The following NAALADL2 variants were observed in gnomAD, a reference collection of about 807,000 sequenced individuals.
NAALADL2 encodes the protein N-acetylated alpha-linked acidic dipeptidase like 2, also known as inactive N-acetylated-alpha-linked acidic dipeptidase-like protein 2.
Under a neutral mutation model 87.2 loss-of-function variants are expected in NAALADL2, and 76 were observed. The observed-to-expected ratio is 0.87, with a 90% CI of 0.72 to 1.05. NAALADL2 has a LOEUF of 1.05. Among genes scored for constraint, NAALADL2 ranks in the 50% least tolerant of loss-of-function variants. The probability of loss-of-function intolerance (pLI) is 0.00; values close to 1 mark genes in which losing one functional copy is unlikely to be tolerated. For synonymous variants in NAALADL2, 354 were observed against 331.0 expected (o/e 1.07, Z -0.75); for missense variants, 1,089 against 945.8 (o/e 1.15, Z -1.99).
chr3:174,826,028 A>AAAC (rs71624294), intron 3 of NAALADL2, among the ~76,000 whole-genome samples: 28,995 of 150,476 alleles, frequency 0.19, 2,995 homozygotes, highest in East Asian at 0.43. Flanking sequence ...ACTCCATCTC[A>AAAC]AACAACAACA....
chr3:175,490,752 C>A (rs886512683), intron 9 of NAALADL2, among the ~76,000 whole-genome samples: 1 of 151,884 alleles, frequency 6.6e-6, no homozygotes, highest in Non-Finnish European at 1.5e-5. Flanking sequence ...CAATAATAGA[C>A]CCTAAATGTG....
At chr3:175,521,115 CATT>C (rs1483277884) in intron 9 of NAALADL2, among the ~76,000 whole-genome samples, 3 of 151,326 alleles carry the variant, frequency 2.0e-5, no homozygotes, top group Non-Finnish European at 4.4e-5. Context: ...AATCTGGAAA[CATT>C]ATAAATTAAA....
intron 4 of NAALADL2, among the ~76,000 whole-genome samples, chr3:175,271,827 C>G (rs1752889738): frequency 6.6e-6 from 1 of 152,030 alleles, no homozygotes. Context: ...AAAGCCGCCA[C>G]TTAAATTGTG....
chr3:175,744,844 T>G lies in NAALADL2; in HGVS notation c.1990+7445T>G, dbSNP rs1190954514. On this transcript the variant is annotated intron_variant, in intron 12 of 13. Transcript: ENST00000454872. ...CATTAGCTAAACAGAATTCTTGTAC[T>G]GTGTTAAATGAAACATATAATTTTA... Among the ~76,000 whole-genome samples, 5 of 152,194 alleles carry G rather than the reference T, an allele frequency of 3.3e-5. 1 individual carries two copies. Among genetic ancestry groups the G allele is most frequent in the Admixed American group, 2.0e-4 (3 of 15,282 alleles).
intron 5 of NAALADL2, among the ~76,000 whole-genome samples, chr3:175,359,101 A>C (rs1229645890): frequency 1.3e-5 from 2 of 152,122 alleles, no homozygotes; most frequent in African/African-American, 4.8e-5. Context: ...ACCAATGCTC[A>C]TTGCAAGCAG....
intron 11 of NAALADL2, among the ~76,000 whole-genome samples, chr3:175,725,286 A>C (rs987490937): frequency 2.0e-5 from 3 of 152,174 alleles, no homozygotes; most frequent in Non-Finnish European, 4.4e-5. Context: ...TACAAAGTAC[A>C]TCATTTAATA....
At chr3:174,603,298 A>G (rs912327902) in intron 2 of NAALADL2, among the ~76,000 whole-genome samples, 5 of 151,668 alleles carry the variant, frequency 3.3e-5, no homozygotes, top group African/African-American at 9.7e-5. Flanking sequence ...TTGTTGTTGG[A>G]CTGTTTCAGG....
chr3:175,143,776 C>A (rs1730365278), intron 2 of NAALADL2, among the ~76,000 whole-genome samples: 1 of 151,818 alleles, frequency 6.6e-6, no homozygotes, highest in Middle Eastern at 3.2e-3. Flanking sequence ...TTTCTTTTTT[C>A]TTTAATGATG....
chr3:175,709,016 C>T, intron 11 of NAALADL2, among the ~76,000 whole-genome samples: 2 of 152,004 alleles, frequency 1.3e-5, no homozygotes, highest in South Asian at 4.2e-4. Context: ...TTTGTATACA[C>T]TAATTGAGTA....
intron 5 of NAALADL2, among the ~76,000 whole-genome samples, chr3:175,389,181 A>C (rs1254079696): frequency 2.0e-5 from 3 of 152,188 alleles, no homozygotes; most frequent in African/African-American, 7.2e-5. Flanking sequence ...ACTAAAATTA[A>C]AGACAGTGTA....
At chr3:175,050,824 A>C (rs905121515) in intron 1 of NAALADL2, among the ~76,000 whole-genome samples, 1 of 152,204 alleles carries the variant, frequency 6.6e-6, no homozygotes, top group Non-Finnish European at 1.5e-5. Context: ...ATGAGTGCAC[A>C]TAAGAGTTAA....
At chr3:175,150,188 C>A (rs7432277) in intron 2 of NAALADL2, among the ~76,000 whole-genome samples, 45,798 of 152,004 alleles carry the variant, frequency 0.3, 7,120 homozygotes, top group South Asian at 0.36. Context: ...CATCAAGAAT[C>A]AGATGCAAAT....
intron 1 of NAALADL2, among the ~76,000 whole-genome samples, chr3:174,862,085 AAAAT>A (rs1257461409): frequency 6.6e-6 from 1 of 152,124 alleles, no homozygotes; most frequent in Non-Finnish European, 1.5e-5. Flanking sequence ...CAGGATTCAT[AAAAT>A]AAATTATCTA....
chr3:175,629,741 A>G (rs537060536), intron 11 of NAALADL2, among the ~76,000 whole-genome samples: 54 of 151,914 alleles, frequency 3.6e-4, no homozygotes, highest in African/African-American at 1.3e-3. Flanking sequence ...TCCTGAGAAC[A>G]TGTCGGGAAG....
chr3:174,774,890 A>G (rs1324945905), intron 3 of NAALADL2, among the ~76,000 whole-genome samples: 2 of 152,166 alleles, frequency 1.3e-5, no homozygotes, highest in African/African-American at 4.8e-5. Context: ...ATTACACTTT[A>G]TCTGGATTTA....
At chr3:174,872,404 A>T (rs1472363488) in intron 1 of NAALADL2, among the ~76,000 whole-genome samples, 1 of 152,156 alleles carries the variant, frequency 6.6e-6, no homozygotes, top group Non-Finnish European at 1.5e-5. Flanking sequence ...TCGGGATTCA[A>T]ACTGTCTGAC....
chr3:175,052,688 A>C (rs1022584206), intron 1 of NAALADL2, among the ~76,000 whole-genome samples: 1 of 151,894 alleles, frequency 6.6e-6, no homozygotes, highest in African/African-American at 2.4e-5. Context: ...AATATTTTGC[A>C]ATATCCAAAA....
chr3:175,234,894 T>G (rs1442123381), intron 3 of NAALADL2: 3 of 152,128 alleles, frequency 2.0e-5, no homozygotes, highest in African/African-American at 7.2e-5. Flanking sequence ...CATAAGGTTG[T>G]TGTGAGAAAA....
At chr3:175,254,198 TG>T (rs1489749623) in intron 3 of NAALADL2, among the ~76,000 whole-genome samples, 2 of 152,136 alleles carry the variant, frequency 1.3e-5, no homozygotes, top group Non-Finnish European at 2.9e-5. Context: ...ACTTCACTGT[TG>T]TCTTATTTTA....
Sources: gnomAD v4.1 joint callset for allele counts (sites outside exome capture counted in the v4.1 genomes callset) on GRCh38, gnomAD v4.1.1 for gene constraint, MANE v1.5 for transcripts, NCBI Gene and HGNC (gene_info 2026-07-23, HGNC 2026-07-21) for gene names.